CLPX: variants seen among roughly 807,000 people sequenced by gnomAD.
CLPX encodes ATP-dependent clpX-like chaperone, mitochondrial.
CLPX carries 34 observed loss-of-function variants against 76.4 expected under a neutral mutation model. That is an observed-to-expected ratio of 0.45 (90% CI 0.34 to 0.59). CLPX has a LOEUF of 0.59. Among genes scored for constraint, CLPX ranks in the 20% least tolerant of loss-of-function variants. CLPX has a pLI of 0.01. For synonymous variants in CLPX, 248 were observed against 270.9 expected, an observed-to-expected ratio of 0.92 and a Z score of 0.83; for missense variants, 613 against 757.0, an observed-to-expected ratio of 0.81 and a Z score of 2.23.
intron 3 of CLPX, among the ~76,000 whole-genome samples, chr15:65,174,020 G>A (rs12905626): frequency 1.3e-5 from 2 of 152,172 alleles, no homozygotes; most frequent in Non-Finnish European, 2.9e-5. Context: ...CTGTCGCCCA[G>A]GCTGGAGTGC....
At chr15:65,180,858 C>T (rs570997874) in intron 1 of CLPX, among the ~76,000 whole-genome samples, 2 of 149,764 alleles carry the variant, frequency 1.3e-5, no homozygotes, top group African/African-American at 4.9e-5. Context: ...GAACTGAAGT[C>T]GTGCCACCGC....
At chr15:65,153,753 G>A in intron 11 of CLPX, 114 bp from the exon 12 acceptor site, 2 of 578,250 alleles carry the variant, frequency 3.5e-6, no homozygotes, top group South Asian at 5.1e-5. Context: ...CTGCCTTCAA[G>A]AAGCACTTGT....
Position 65,152,447 on chromosome 15 carries a change from C to A in CLPX, c.1794G>T (p.Lys598Asn). ...CACTTTACCGGATGTATCCTGGTTC[C>A]TTTTTTCCTTCTACTACTTCTTTGT... is the stretch of plus-strand genomic sequence containing the variant. Reference protein sequence around the residue: ...EVDKEVVEGKKEPGYIRAPTK... With the variant: ...EVDKEVVEGKNEPGYIRAPTK... The change falls in exon 13 of 14, where the codon AAG (lysine) becomes AAT (asparagine). Residue 598 changes from lysine (K) to asparagine (N), a missense_variant. Lys to Asn is a moderately conservative substitution (Grantham distance 94, BLOSUM62 0). Coordinates refer to ENST00000300107, the MANE Select transcript of CLPX (RefSeq NM_006660.5). The A allele has an allele frequency of 6.5e-7, 1 of 1,547,934 alleles. No homozygotes were observed. The highest frequency in any genetic ancestry group is 8.7e-7 in the Non-Finnish European group (1 of 1,146,272).
chr15:65,184,938 G>A, intron 1 of CLPX, 137 bp downstream of exon 1: 1 of 728,044 alleles, frequency 1.4e-6, no homozygotes, highest in Non-Finnish European at 2.4e-6. Flanking sequence ...AGTGGTGGGT[G>A]CCGGGCGAAG....
intron 4 of CLPX, among the ~76,000 whole-genome samples, chr15:65,166,031 C>T (rs1356625930): frequency 6.6e-6 from 1 of 152,190 alleles, no homozygotes; most frequent in Non-Finnish European, 1.5e-5. Context: ...TCAAAAAGCA[C>T]ACACCAAATA....
intron 8 of CLPX, 122 bp downstream of exon 8, chr15:65,157,624 G>A (rs777188761): frequency 1.5e-5 from 14 of 938,108 alleles, no homozygotes; most frequent in Non-Finnish European, 1.9e-5. Context: ...ATGTAACAAA[G>A]GTACTTTTAT....
At chr15:65,167,770 C>G (rs1489237578) in intron 3 of CLPX, among the ~76,000 whole-genome samples, 1 of 151,538 alleles carries the variant, frequency 6.6e-6, no homozygotes, top group East Asian at 1.9e-4. Context: ...CACCTGTAAT[C>G]CCAGCTACTC....
chr15:65,174,330 T>C (rs1464150971), intron 3 of CLPX, among the ~76,000 whole-genome samples: 1 of 149,760 alleles, frequency 6.7e-6, no homozygotes, highest in Non-Finnish European at 1.5e-5. Flanking sequence ...AGTGGTGTGA[T>C]CTCGGCTCAC....
intron 10 of CLPX, 70 bp from the exon 11 acceptor site, chr15:65,155,151 A>G (rs986815969): frequency 2.4e-6 from 3 of 1,257,014 alleles, no homozygotes; most frequent in Admixed American, 2.2e-5. Context: ...CTTTTCCTAC[A>G]TATTTCATAT....
intron 1 of CLPX, 40 bp downstream of exon 1, chr15:65,185,035 C>T (rs200533693): frequency 2.6e-5 from 40 of 1,524,250 alleles, no homozygotes; most frequent in African/African-American, 6.9e-5. Context: ...CACCCCCCCC[C>T]CGACAGGCTG....
rs1174175074 is a variant in CLPX, at chr15:65,155,578, C to T, written c.1311+114G>A. 3.3e-6 allele frequency: 3 copies of T among 904,340 alleles called. No individual in the cohort carries two copies. In the African/African-American group the frequency reaches 5.0e-5, roughly 15 times the overall value. The allele number at this position is 904,340 out of a possible 1,614,324, so 56.0% of individuals were successfully genotyped here. ...ATATTTCTGATATGCTCTAAGAAAA[C>T]CCAACTCTTATAATTAAAACTATGA... On this transcript the variant is annotated intron_variant, in intron 10 of 13. Transcript: ENST00000300107.
chr15:65,163,288 T>C (rs1201286939), intron 5 of CLPX, among the ~76,000 whole-genome samples: 1 of 152,186 alleles, frequency 6.6e-6, no homozygotes, highest in Non-Finnish European at 1.5e-5. Context: ...TACCATCACA[T>C]ACCTATTTTG....
At chr15:65,166,846 C>G in intron 3 of CLPX, 61 bp from the exon 4 acceptor site, 3 of 1,479,700 alleles carry the variant, frequency 2.0e-6, no homozygotes, top group Non-Finnish European at 2.8e-6. Flanking sequence ...AGTGTTTAAC[C>G]TTAAAGACTC....
chr15:65,183,460 CAAAAAA>C (rs61002905), intron 1 of CLPX, among the ~76,000 whole-genome samples: 1 of 66,268 alleles, frequency 1.5e-5, no homozygotes, highest in Non-Finnish European at 2.7e-5. Flanking sequence ...GACTCTGTCT[CAAAAAA>C]AAAAAAAAAA....
rs2087707016 is a variant in CLPX, at chr15:65,150,594, T to C, written c.*229A>G. 2 of 337,848 alleles carry C rather than the reference T, an allele frequency of 5.9e-6. No individual in the cohort carries two copies. The highest frequency in any genetic ancestry group is 1.1e-5 in the Non-Finnish European group (2 of 188,648). The allele number at this position is 337,848 out of a possible 1,614,324, so 20.9% of individuals were successfully genotyped here. ...TTTTTAAAAAACTGAACCAAAATAA[T>C]GTACATTTTATCTCTAAACATTGTG... On this transcript the variant is annotated 3_prime_UTR_variant, in exon 14 of 14. Coordinates refer to ENST00000300107, the MANE Select transcript of CLPX (RefSeq NM_006660.5).
intron 10 of CLPX, 52 bp downstream of exon 10, chr15:65,155,640 T>C (rs1438032098): frequency 7.0e-7 from 1 of 1,438,674 alleles, no homozygotes; most frequent in African/African-American, 1.4e-5. Context: ...AAACTGAGTG[T>C]ACATCCTTTA....
Position 65,180,033 on chromosome 15 carries a change from A to C in CLPX, c.240+11T>G, listed in dbSNP as rs759705312. The C allele has an allele frequency of 1.9e-6, 3 of 1,590,068 alleles. No homozygotes were observed. In the South Asian group the frequency reaches 3.4e-5, roughly 18 times the overall value. On this transcript the variant is annotated intron_variant, in intron 2 of 13. Transcript: ENST00000300107. The stretch of plus-strand genomic sequence containing the variant: ...CAATGTGTACAGATGCCAATAAGAT[A>C]AAATAATTACCTTATTTCCATCTCC...
intron 11 of CLPX, among the ~76,000 whole-genome samples, chr15:65,154,412 G>C (rs1240364990): frequency 6.6e-6 from 1 of 152,100 alleles, no homozygotes; most frequent in African/African-American, 2.4e-5. Flanking sequence ...GTATATGTGG[G>C]ATTAATAAAA....
At chr15:65,161,196 C>G (rs1194421793) in intron 6 of CLPX, among the ~76,000 whole-genome samples, 1 of 152,076 alleles carries the variant, frequency 6.6e-6, no homozygotes, top group Non-Finnish European at 1.5e-5. Flanking sequence ...TAAACGCAAA[C>G]AAAGTATTTC....
Sources: allele counts gnomAD v4.1 joint callset (sites outside exome capture counted in the v4.1 genomes callset), GRCh38; gene constraint gnomAD v4.1.1; transcripts MANE v1.5; gene names NCBI Gene and HGNC (gene_info 2026-07-23, HGNC 2026-07-21).